RAB27B: variants seen among roughly 807,000 people sequenced by gnomAD.
The protein encoded by RAB27B is RAB27B, member RAS oncogene family.
Under a neutral mutation model 24.6 loss-of-function variants are expected in RAB27B, and 15 were observed. The ratio of observed to expected loss-of-function variants is 0.61; its 90% confidence interval spans 0.41 to 0.94. The LOEUF (loss-of-function observed/expected upper bound fraction) is 0.94, where lower values mean the gene tolerates loss of function less well. Among genes scored for constraint, RAB27B ranks in the 40% least tolerant of loss-of-function variants. The pLI is 0.00. For synonymous variants in RAB27B, 105 were observed against 92.5 expected, an observed-to-expected ratio of 1.14 and a Z score of -0.78; for missense variants, 261 against 266.8, an observed-to-expected ratio of 0.98 and a Z score of 0.15.
intron 2 of RAB27B, among the ~76,000 whole-genome samples, chr18:54,774,868 C>T (rs1020792295): frequency 3.9e-5 from 6 of 152,228 alleles, no homozygotes; most frequent in South Asian, 2.1e-4. Context: ...TTCTCAGCCT[C>T]CCCTCACGGG....
At chr18:54,836,475 G>C (rs1910898122) in intron 1 of RAB27B, among the ~76,000 whole-genome samples, 1 of 151,902 alleles carries the variant, frequency 6.6e-6, no homozygotes, top group Non-Finnish European at 1.5e-5. Context: ...AAGTAGTCCA[G>C]AGCAGTGAGG....
chr18:54,878,263 T>A (rs1480589410), intron 2 of RAB27B, among the ~76,000 whole-genome samples: 1 of 152,178 alleles, frequency 6.6e-6, no homozygotes, highest in Non-Finnish European at 1.5e-5. Flanking sequence ...TTTTCCAAGA[T>A]AAGAGAGTTT....
chr18:54,843,017 C>T (rs1303180722), intron 1 of RAB27B, among the ~76,000 whole-genome samples: 1 of 152,108 alleles, frequency 6.6e-6, no homozygotes, highest in African/African-American at 2.4e-5. Context: ...AGGATGGTCT[C>T]CATGTCCTGA....
rs567499741 is a variant in RAB27B at position 54,865,108 on chromosome 18, TTAAA to T, written c.-19-12456_-19-12453del. Among the ~76,000 whole-genome samples, 269 of 152,312 alleles carry T rather than the reference TTAAA, an allele frequency of 1.8e-3. 3 individuals carry two copies. Among genetic ancestry groups the T allele is most frequent in the African/African-American group, 5.9e-3 (247 of 41,570 alleles). On this transcript the variant is annotated intron_variant, in intron 1 of 5. Coordinates refer to ENST00000262094, the MANE Select transcript of RAB27B (RefSeq NM_004163.4). ...CTGATTAAATATGTGTTATATATGA[TTAAA>T]TATATATATGATTAAATACATGCAA...
Position 54,890,973 on chromosome 18 carries a change from GAC to G in RAB27B, c.*1562_*1563del, listed in dbSNP as rs1179275973. ...TCAGTCAATTTTACCAAATAACAAA[GAC>G]AATATATTTTCGTTTTTTTTTATTA... On this transcript the variant is annotated 3_prime_UTR_variant, in exon 6 of 6. Coordinates refer to ENST00000262094, the MANE Select transcript of RAB27B (RefSeq NM_004163.4). 1 of 104,152 alleles carries G rather than the reference GAC, an allele frequency of 9.6e-6. No individual in the cohort carries two copies. Among genetic ancestry groups the G allele is most frequent in the Non-Finnish European group, 2.0e-5 (1 of 51,204 alleles). The allele number at this position is 104,152 out of a possible 1,614,324, so 6.5% of individuals were successfully genotyped here.
chr18:54,763,131 CTT>C (rs1908245300), intron 2 of RAB27B, among the ~76,000 whole-genome samples: 1 of 152,082 alleles, frequency 6.6e-6, no homozygotes, highest in East Asian at 1.9e-4. Context: ...TTTCAGGAAA[CTT>C]ATAACTTCAA....
At chr18:54,780,623 T>C (rs1258406650) in intron 2 of RAB27B, among the ~76,000 whole-genome samples, 3 of 152,194 alleles carry the variant, frequency 2.0e-5, no homozygotes, top group African/African-American at 7.2e-5. Flanking sequence ...CGTATTGGAT[T>C]AGAGCCAACC....
chr18:54,793,804 G>C (rs974370266), intron 2 of RAB27B, among the ~76,000 whole-genome samples: 1 of 152,160 alleles, frequency 6.6e-6, no homozygotes, highest in Non-Finnish European at 1.5e-5. Context: ...CGAACTATTC[G>C]GGAAGCAGAG....
intron 2 of RAB27B, among the ~76,000 whole-genome samples, chr18:54,773,234 C>G (rs1398696974): frequency 6.6e-6 from 1 of 152,102 alleles, no homozygotes; most frequent in African/African-American, 2.4e-5. Context: ...CAAAATTTTC[C>G]TGTTACTAAG....
chr18:54,773,114 T>A (rs539640760), intron 2 of RAB27B, among the ~76,000 whole-genome samples: 1 of 152,344 alleles, frequency 6.6e-6, no homozygotes, highest in East Asian at 1.9e-4. Context: ...CCATCTCATA[T>A]TTCTGTCCTG....
At chr18:54,840,190 G>A (rs1260114764) in intron 1 of RAB27B, among the ~76,000 whole-genome samples, 6 of 152,044 alleles carry the variant, frequency 3.9e-5, no homozygotes, top group Non-Finnish European at 8.8e-5. Flanking sequence ...TTCTTTCCTT[G>A]TAGTACAAAT....
intron 2 of RAB27B, among the ~76,000 whole-genome samples, chr18:54,759,721 G>A (rs1339325709): frequency 6.6e-6 from 1 of 152,200 alleles, no homozygotes; most frequent in East Asian, 1.9e-4. Context: ...ACTGGCAGAG[G>A]GGCAGCAGAG....
At position 54,892,537 on chromosome 18, in the gene RAB27B, AAAAG is replaced by A. The variant is rs1568120547; in HGVS notation, c.*3130_*3133del. ...GTACAAGCTTACCTTTTAGGGTAGA[AAAAG>A]AAAGATCATTTGAAAAATGTATCTA... is the stretch of plus-strand genomic sequence containing the variant. On this transcript the variant is annotated 3_prime_UTR_variant, in exon 6 of 6. Transcript: ENST00000262094. 1.3e-5 allele frequency: 2 copies of A among 152,066 alleles called. No homozygotes were observed. Among genetic ancestry groups the A allele is most frequent in the Admixed American group, 1.3e-4 (2 of 15,236 alleles). The allele number at this position is 152,066 out of a possible 1,614,324, so 9.4% of individuals were successfully genotyped here.
intron 1 of RAB27B, among the ~76,000 whole-genome samples, chr18:54,839,186 C>T (rs1335461999): frequency 6.6e-6 from 1 of 152,116 alleles, no homozygotes; most frequent in Non-Finnish European, 1.5e-5. Flanking sequence ...ACCCCGTTTT[C>T]AGCTTCAAAT....
intron 2 of RAB27B, among the ~76,000 whole-genome samples, chr18:54,770,621 C>G (rs1398851952): frequency 6.6e-6 from 1 of 151,944 alleles, no homozygotes; most frequent in African/African-American, 2.4e-5. Context: ...CCAAAACCAC[C>G]CCCCAACCAA....
At chr18:54,803,937 T>C (rs370323695) in intron 2 of RAB27B, among the ~76,000 whole-genome samples, 3 of 152,284 alleles carry the variant, frequency 2.0e-5, no homozygotes, top group Admixed American at 6.5e-5. Flanking sequence ...AGTGACTTTA[T>C]TAAATTGTCA....
chr18:54,737,494 T>C (rs1322655047), intron 2 of RAB27B, among the ~76,000 whole-genome samples: 1 of 152,228 alleles, frequency 6.6e-6, no homozygotes, highest in Non-Finnish European at 1.5e-5. Flanking sequence ...TGGTACATCT[T>C]GGCATCATCT....
At chr18:54,836,279 G>A (rs1391084091) in intron 1 of RAB27B, among the ~76,000 whole-genome samples, 1 of 151,912 alleles carries the variant, frequency 6.6e-6, no homozygotes, top group Non-Finnish European at 1.5e-5. Context: ...CTTCCCAGCA[G>A]ATCTTCTTAT....
At chr18:54,814,109 C>G (rs531363490) in intron 2 of RAB27B, among the ~76,000 whole-genome samples, 5 of 152,148 alleles carry the variant, frequency 3.3e-5, no homozygotes, top group Non-Finnish European at 7.4e-5. Flanking sequence ...TCAATAAATT[C>G]AGTCTGCTTT....
Sources: allele counts gnomAD v4.1 joint callset (sites outside exome capture counted in the v4.1 genomes callset), GRCh38; gene constraint gnomAD v4.1.1; transcripts MANE v1.5; gene names NCBI Gene and HGNC (gene_info 2026-07-23, HGNC 2026-07-21).